The following NKAIN3 variants were observed in gnomAD, a reference collection of about 807,000 sequenced individuals.
NKAIN3 encodes sodium/potassium transporting ATPase interacting 3.
Under a neutral mutation model 30.2 loss-of-function variants are expected in NKAIN3, and 25 were observed. That is an observed-to-expected ratio of 0.83 (90% confidence interval 0.60 to 1.16). The LOEUF is 1.16. Among genes scored for constraint, NKAIN3 ranks in the 50% most tolerant of loss-of-function variants. The pLI is 0.00. For missense variants in NKAIN3, 225 were observed against 254.1 expected (o/e 0.89, Z 0.78); for synonymous variants, 91 against 89.6 (o/e 1.02, Z -0.09).
rs561819135 is a variant in NKAIN3, at chr8:62,979,645, G to A, written c.*14238G>A. The A allele has an allele frequency of 4.2e-4, 64 of 152,282 alleles. No homozygotes were observed. Among genetic ancestry groups the A allele is most frequent in the African/African-American group, 1.4e-3 (60 of 41,558 alleles). 9.4% of individuals were successfully genotyped at this position (152,282 alleles called of 1,614,324 possible). On this transcript the variant is annotated 3_prime_UTR_variant, in exon 7 of 7. Coordinates refer to ENST00000623646, the MANE Select transcript of NKAIN3 (RefSeq NM_001304533.3). ...GGACCTCAGCAATTCCATTTGCCCC[G>A]TTTTCAGATGAGGAGATTGAGGCTG...
chr8:62,353,455 G>A (rs1659356996), intron 1 of NKAIN3, among the ~76,000 whole-genome samples: 1 of 152,098 alleles, frequency 6.6e-6, no homozygotes, highest in Non-Finnish European at 1.5e-5. Flanking sequence ...TTGCATACTT[G>A]TATTTATTCA....
chr8:62,855,903 C>T (rs565465135), intron 4 of NKAIN3: 20 of 763,460 alleles, frequency 2.6e-5, no homozygotes, highest in African/African-American at 1.5e-4. Flanking sequence ...GATGTTCCTG[C>T]GGGGTGTGTA....
At chr8:62,259,273 A>G (rs1812355501) in intron 1 of NKAIN3, among the ~76,000 whole-genome samples, 1 of 152,186 alleles carries the variant, frequency 6.6e-6, no homozygotes, top group African/African-American at 2.4e-5. Flanking sequence ...AATACTTTCT[A>G]TGTTGCACTT....
At position 62,949,706 on chromosome 8, in the gene NKAIN3, A is replaced by T. The variant is rs548528377; in HGVS notation, c.533-4196A>T. On this transcript the variant is annotated intron_variant, in intron 5 of 6. Coordinates refer to ENST00000623646, the MANE Select transcript of NKAIN3 (RefSeq NM_001304533.3). ...CTGGCTTTTCTGGATAGTTGATGCCAACCCTTAATTGTGTTGCTTTTTTTT... is the reference window on the plus strand; with the variant it reads ...CTGGCTTTTCTGGATAGTTGATGCCTACCCTTAATTGTGTTGCTTTTTTTT... 2.0e-5 allele frequency among the ~76,000 whole-genome samples: 3 copies of T among 147,460 alleles called. No individual in the cohort carries two copies. In the South Asian group the frequency reaches 6.6e-4, roughly 33 times the overall value.
At chr8:62,906,166 C>T (rs886133524) in intron 4 of NKAIN3, among the ~76,000 whole-genome samples, 30 of 152,194 alleles carry the variant, frequency 2.0e-4, no homozygotes, top group African/African-American at 6.5e-4. Flanking sequence ...GCCCTCTGCA[C>T]TGTGAATAAA....
chr8:62,613,289 T>C (rs1033060022), intron 3 of NKAIN3, among the ~76,000 whole-genome samples: 4 of 152,172 alleles, frequency 2.6e-5, no homozygotes, highest in African/African-American at 9.7e-5. Context: ...TTGCACTGGA[T>C]ATACTATTCT....
rs182352260 is a variant in NKAIN3 at position 62,379,954 on chromosome 8, G to A, written c.54+130827G>A. Reference sequence around the variant, plus strand: ...CAGGCAGGGCTCAGCAGGTGACAGAGCTGGTATATGAGTCAAAATAAATGT... The same window carrying A: ...CAGGCAGGGCTCAGCAGGTGACAGAACTGGTATATGAGTCAAAATAAATGT... On this transcript the variant is annotated intron_variant, in intron 1 of 6. Coordinates refer to ENST00000623646, the MANE Select transcript of NKAIN3 (RefSeq NM_001304533.3). Among the ~76,000 whole-genome samples the A allele has an allele frequency of 4.5e-4, 69 of 152,262 alleles. 1 individual carries two copies. The highest frequency in any genetic ancestry group is 1.6e-3 in the African/African-American group (68 of 41,558).
rs1461010294 is a variant in NKAIN3 at position 62,969,660 on chromosome 8, A to G, written c.*4253A>G. On this transcript the variant is annotated 3_prime_UTR_variant, in exon 7 of 7. Transcript: ENST00000623646. ...CGTTCTTTCCAGGTATAGCTGAATTAAGTAGGAAAAATATAAATAATTGCT... is the reference window on the plus strand; with the variant it reads ...CGTTCTTTCCAGGTATAGCTGAATTGAGTAGGAAAAATATAAATAATTGCT... 6.6e-6 allele frequency among the ~76,000 whole-genome samples: 1 copy of G among 152,192 alleles called. No homozygotes were observed. The highest frequency in any genetic ancestry group is 1.5e-5 in the Non-Finnish European group (1 of 68,038).
Position 62,681,777 on chromosome 8 carries a change from G to A in NKAIN3, c.274-65155G>A, listed in dbSNP as rs548140806. Among the ~76,000 whole-genome samples, 78 of 152,158 alleles carry A rather than the reference G, an allele frequency of 5.1e-4. No individual in the cohort carries two copies. In the South Asian group the frequency reaches 5.6e-3, roughly 11 times the overall value. ...AACATACTTGAATATTGGTCATGCC[G>A]CTTTATAAATGTATAATCTTGAGTA... On this transcript the variant is annotated intron_variant, in intron 3 of 6. Transcript: ENST00000623646.
At chr8:62,878,665 C>G in intron 4 of NKAIN3, among the ~76,000 whole-genome samples, 1 of 103,762 alleles carries the variant, frequency 9.6e-6, no homozygotes, top group South Asian at 4.1e-4. Flanking sequence ...TTTTCCCCTC[C>G]CCCCACCCCA....
chr8:62,620,683 A>G (rs1479269043), intron 3 of NKAIN3, among the ~76,000 whole-genome samples: 2 of 152,206 alleles, frequency 1.3e-5, no homozygotes, highest in African/African-American at 4.8e-5. Context: ...TTTCCTAGAA[A>G]TAAAAATACA....
intron 4 of NKAIN3, among the ~76,000 whole-genome samples, chr8:62,806,910 G>T (rs1181104239): frequency 6.6e-6 from 1 of 151,998 alleles, no homozygotes; most frequent in Non-Finnish European, 1.5e-5. Flanking sequence ...CCAAGCAGGG[G>T]ACTAATTCCT....
intron 4 of NKAIN3, among the ~76,000 whole-genome samples, chr8:62,890,981 G>C (rs551698419): frequency 2.6e-5 from 4 of 152,304 alleles, no homozygotes; most frequent in Admixed American, 2.6e-4. Flanking sequence ...ATCTGAAAGA[G>C]AGCAAGGTGG....
intron 4 of NKAIN3, among the ~76,000 whole-genome samples, chr8:62,803,716 A>G (rs916337870): frequency 1.3e-5 from 2 of 152,214 alleles, no homozygotes; most frequent in African/African-American, 2.4e-5. Flanking sequence ...TAGAAAAGCA[A>G]GAGCAAACAC....
intron 1 of NKAIN3, among the ~76,000 whole-genome samples, chr8:62,317,516 C>T (rs1814683470): frequency 6.6e-6 from 1 of 152,178 alleles, no homozygotes; most frequent in African/African-American, 2.4e-5. Context: ...TTCCCAGCAC[C>T]ATTTATTAAA....
At chr8:62,901,839 C>T (rs571620713) in intron 4 of NKAIN3, among the ~76,000 whole-genome samples, 75 of 152,262 alleles carry the variant, frequency 4.9e-4, no homozygotes, top group Admixed American at 6.5e-5. Flanking sequence ...TTATCTGCAT[C>T]GAGGGGCTGA....
At chr8:62,363,729 T>G (rs2129592690) in intron 1 of NKAIN3, among the ~76,000 whole-genome samples, 1 of 152,230 alleles carries the variant, frequency 6.6e-6, no homozygotes, top group African/African-American at 2.4e-5. Flanking sequence ...TCCAAGGGGA[T>G]TAGATGAAAA....
chr8:62,405,614 G>C lies in NKAIN3; in HGVS notation c.54+156487G>C, dbSNP rs189399527. ...CCCTAAGCACATAGATTCTCCATGCGGCAGTGCTGCTGCTGGGTGGTAGTG... is the reference window on the plus strand; with the variant it reads ...CCCTAAGCACATAGATTCTCCATGCCGCAGTGCTGCTGCTGGGTGGTAGTG... On this transcript the variant is annotated intron_variant, in intron 1 of 6. Coordinates refer to ENST00000623646, the MANE Select transcript of NKAIN3 (RefSeq NM_001304533.3). 2.1e-3 allele frequency among the ~76,000 whole-genome samples: 313 copies of C among 152,268 alleles called. 3 individuals are homozygous for C. In the South Asian group the frequency reaches 0.025, roughly 12 times the overall value.
intron 3 of NKAIN3, among the ~76,000 whole-genome samples, chr8:62,642,970 G>T (rs1177078291): frequency 1.3e-5 from 2 of 152,004 alleles, no homozygotes; most frequent in East Asian, 3.9e-4. Context: ...AAGCACAAAA[G>T]GGACACCTTC....
Sources: allele counts gnomAD v4.1 joint callset (sites outside exome capture counted in the v4.1 genomes callset), GRCh38; gene constraint gnomAD v4.1.1; transcripts MANE v1.5; gene names NCBI Gene and HGNC (gene_info 2026-07-23, HGNC 2026-07-21).